The following RAD54B variants were observed in gnomAD, a reference collection of about 807,000 sequenced individuals.
RAD54B encodes the protein RAD54 homolog B.
In RAD54B, 78 loss-of-function variants were observed where a neutral mutation model predicts 95.8. The observed-to-expected ratio is 0.81, with a 90% confidence interval of 0.68 to 0.98. The LOEUF is 0.98. RAD54B is among the 50% of genes least tolerant of loss of function. RAD54B has a pLI of 0.00. For missense variants in RAD54B, 957 were observed against 1,056.6 expected (o/e 0.91, Z 1.31); for synonymous variants, 328 against 354.9 (o/e 0.92, Z 0.85).
Position 94,467,486 on chromosome 8 carries a change from T to C in RAD54B, c.54A>G (p.Pro18=). 1 of 1,613,894 alleles carries C rather than the reference T, an allele frequency of 6.2e-7. No homozygotes were observed. The highest frequency in any genetic ancestry group is 2.2e-5 in the East Asian group (1 of 44,886). The change falls in exon 2 of 15, where the codon CCA becomes CCG. Residue 18 remains proline, a synonymous_variant. Coordinates refer to ENST00000336148, the MANE Select transcript of RAD54B (RefSeq NM_012415.3). ...TACTTCTTCCTGGAGGTATAAATTTTGGTTTTTTGAAGGAATTCCCCTGCA... is the reference window on the plus strand; with the variant it reads ...TACTTCTTCCTGGAGGTATAAATTTCGGTTTTTTGAAGGAATTCCCCTGCA... ...SQLQGNSFKK[P]KFIPPGRSNP...
Position 94,391,666 on chromosome 8 carries a change from A to G in RAD54B, c.1752T>C (p.Cys584=), listed in dbSNP as rs1811024160. The change falls in exon 10 of 15, where the codon TGT becomes TGC. Residue 584 remains cysteine, a synonymous_variant. Coordinates refer to ENST00000336148, the MANE Select transcript of RAD54B (RefSeq NM_012415.3). ...GLLENSPHLI[C]IGALKKLCNH... ...TGCACAGTTTTTTAAGAGCTCCTAT[A>G]CATATTAGATGGGGACTATTTTCCA... is the stretch of plus-strand genomic sequence containing the variant. 1.9e-6 allele frequency: 3 copies of G among 1,613,856 alleles called. No individual in the cohort carries two copies. In the South Asian group the frequency reaches 3.3e-5, roughly 18 times the overall value.
chr8:94,394,894 T>C (rs1273110451), intron 8 of RAD54B, among the ~76,000 whole-genome samples: 2 of 152,212 alleles, frequency 1.3e-5, no homozygotes, highest in Non-Finnish European at 2.9e-5. Flanking sequence ...TAAAACTTAA[T>C]GGGTCCTCCC....
At chr8:94,455,583 G>A (rs1258899035) in intron 3 of RAD54B, among the ~76,000 whole-genome samples, 1 of 152,014 alleles carries the variant, frequency 6.6e-6, no homozygotes, top group Non-Finnish European at 1.5e-5. Flanking sequence ...AGAGATCTGG[G>A]GCTTCCTGTA....
intron 10 of RAD54B, among the ~76,000 whole-genome samples, chr8:94,390,407 G>A (rs1810987957): frequency 6.6e-6 from 1 of 151,346 alleles, no homozygotes. Flanking sequence ...GGCTGAGGCA[G>A]GAGAATCGCT....
chr8:94,422,651 T>A (rs866140605), intron 3 of RAD54B, among the ~76,000 whole-genome samples: 35 of 88,878 alleles, frequency 3.9e-4, no homozygotes, highest in Middle Eastern at 7.9e-3. Flanking sequence ...TATATATATA[T>A]ATAAAATTAT....
At position 94,399,535 on chromosome 8, in the gene RAD54B, T is replaced by C. The variant is rs1208975694; in HGVS notation, c.1257A>G (p.Gln419=). 1.9e-6 allele frequency: 3 copies of C among 1,613,166 alleles called. No homozygotes were observed. The highest frequency in any genetic ancestry group is 2.5e-6 in the Non-Finnish European group (3 of 1,179,544). ...GAAGATCAAATTTTATATTCTTAAT[T>C]TGATCCAGGGAACGAAGTAACATTT... ...SYEMLLRSLD[Q]IKNIKFDLLI... is the part of the protein sequence containing the mutation. The change falls in exon 8 of 15, where the codon CAA becomes CAG. Residue 419 remains glutamine, a synonymous_variant. Transcript: ENST00000336148.
At chr8:94,407,124 TAA>T (rs34014873) in intron 5 of RAD54B, among the ~76,000 whole-genome samples, 1 of 152,244 alleles carries the variant, frequency 6.6e-6, no homozygotes, top group East Asian at 1.9e-4. Context: ...CTCTCCTTAC[TAA>T]AAAGTCAGAT....
At chr8:94,440,485 T>C (rs919903886) in intron 3 of RAD54B, among the ~76,000 whole-genome samples, 5 of 152,214 alleles carry the variant, frequency 3.3e-5, no homozygotes, top group African/African-American at 1.2e-4. Flanking sequence ...AATATATGTG[T>C]AAATGCTATG....
chr8:94,457,151 C>A (rs1320939271), intron 3 of RAD54B, among the ~76,000 whole-genome samples: 2 of 152,260 alleles, frequency 1.3e-5, no homozygotes, highest in South Asian at 2.1e-4. Flanking sequence ...ATACATGGAT[C>A]ATTTTCTACC....
intron 6 of RAD54B, among the ~76,000 whole-genome samples, chr8:94,402,504 T>C (rs929571337): frequency 1.3e-5 from 2 of 152,212 alleles, no homozygotes; most frequent in African/African-American, 4.8e-5. Context: ...TCCGCCTGCC[T>C]TGGCCTCCGA....
At chr8:94,432,737 G>T in intron 3 of RAD54B, 1 of 1,358,018 alleles carries the variant, frequency 7.4e-7, no homozygotes, top group Non-Finnish European at 9.5e-7. Flanking sequence ...TTAATTTAAT[G>T]TACATTAAAT....
intron 2 of RAD54B, among the ~76,000 whole-genome samples, chr8:94,463,277 A>G (rs1286387115): frequency 6.6e-6 from 1 of 151,690 alleles, no homozygotes; most frequent in Non-Finnish European, 1.5e-5. Context: ...TTAAAAAAAA[A>G]AAAAAAAGAC....
At chr8:94,414,893 C>T (rs1409882973) in intron 3 of RAD54B, among the ~76,000 whole-genome samples, 1 of 152,182 alleles carries the variant, frequency 6.6e-6, no homozygotes, top group Non-Finnish European at 1.5e-5. Context: ...AAGAACATTC[C>T]ATGCTCATGG....
chr8:94,453,155 CCAAA>C (rs1398807207), intron 3 of RAD54B, among the ~76,000 whole-genome samples: 1 of 151,988 alleles, frequency 6.6e-6, no homozygotes, highest in Non-Finnish European at 1.5e-5. Context: ...ACGAAAGATC[CCAAA>C]CAAACTAAAT....
chr8:94,428,798 A>G (rs1049704431), intron 3 of RAD54B: 3 of 985,312 alleles, frequency 3.0e-6, no homozygotes, highest in African/African-American at 1.7e-5. Context: ...TCCTCAACAA[A>G]AACTGCTAAT....
intron 6 of RAD54B, among the ~76,000 whole-genome samples, chr8:94,401,813 G>C (rs1026391608): frequency 6.6e-6 from 1 of 152,082 alleles, no homozygotes; most frequent in African/African-American, 2.4e-5. Flanking sequence ...TGGCAACAAA[G>C]GACCAAATGT....
At chr8:94,412,574 A>G (rs1811555096) in intron 3 of RAD54B, among the ~76,000 whole-genome samples, 1 of 152,178 alleles carries the variant, frequency 6.6e-6, no homozygotes, top group African/African-American at 2.4e-5. Context: ...AGCTGAAGAC[A>G]GCAAAATCTC....
intron 8 of RAD54B, among the ~76,000 whole-genome samples, chr8:94,396,055 A>G (rs1811135238): frequency 1.3e-5 from 2 of 152,166 alleles, no homozygotes; most frequent in Non-Finnish European, 2.9e-5. Context: ...GGAATAGGAA[A>G]AAGGATTTAG....
In RAD54B at chr8:94,411,093, C is replaced by G. The variant is rs775417121; in HGVS notation, c.499+28G>C. ...AGATACATACTAATTTCAGGCCAAACTGTAAACATTAGGTAGTATCATAAT... is the reference window on the plus strand; with the variant it reads ...AGATACATACTAATTTCAGGCCAAAGTGTAAACATTAGGTAGTATCATAAT... On this transcript the variant is annotated intron_variant, in intron 4 of 14. Transcript: ENST00000336148. 6.1e-5 allele frequency: 93 copies of G among 1,533,428 alleles called. No individual in the cohort carries two copies. The Admixed American group carries it at 8.6e-4, about 14-fold the overall frequency. 95.0% of individuals were successfully genotyped at this position (1,533,428 alleles called of 1,614,324 possible).
Sources: gnomAD v4.1 joint callset for allele counts (sites outside exome capture counted in the v4.1 genomes callset) on GRCh38, gnomAD v4.1.1 for gene constraint, MANE v1.5 for transcripts, NCBI Gene and HGNC (gene_info 2026-07-23, HGNC 2026-07-21) for gene names.